Variants in ANP32A observed in about 807,000 individuals in gnomAD.
ANP32A encodes acidic leucine-rich nuclear phosphoprotein 32 family member A.
ANP32A carries 1 observed loss-of-function variant against 33.9 expected under a neutral mutation model. That is an observed-to-expected ratio of 0.03 (90% CI 0.01 to 0.14). The LOEUF is 0.14. Ranked by LOEUF, ANP32A falls within the 10% of genes least tolerant of loss-of-function variation. The pLI, the probability that ANP32A is intolerant of heterozygous loss-of-function variation, is 1.00. For synonymous variants in ANP32A, 115 were observed against 120.5 expected, an observed-to-expected ratio of 0.95 and a Z score of 0.30; for missense variants, 155 against 306.0, an observed-to-expected ratio of 0.51 and a Z score of 3.68.
At chr15:68,812,022 C>A (rs1432839877) in intron 1 of ANP32A, among the ~76,000 whole-genome samples, 1 of 109,556 alleles carries the variant, frequency 9.1e-6, no homozygotes, top group African/African-American at 3.5e-5. Flanking sequence ...AGCCACTGCG[C>A]CTGGCCCTAA....
At chr15:68,794,544 G>C (rs1894038531) in intron 1 of ANP32A, among the ~76,000 whole-genome samples, 1 of 152,126 alleles carries the variant, frequency 6.6e-6, no homozygotes, top group Non-Finnish European at 1.5e-5. Flanking sequence ...GTGTTTTTTG[G>C]TGCTCGTGGG....
intron 5 of ANP32A, chr15:68,782,692 C>T (rs536253890): frequency 4.7e-5 from 24 of 509,438 alleles, no homozygotes; most frequent in South Asian, 1.1e-4. Context: ...ATAGAAACAA[C>T]GGCCAGGCTT....
At chr15:68,784,222 C>T (rs1383832412) in intron 4 of ANP32A, 175 bp downstream of exon 4, 20 of 671,624 alleles carry the variant, frequency 3.0e-5, no homozygotes. Flanking sequence ...ACAAAGCAGA[C>T]AGCCCTACTC....
intron 1 of ANP32A, among the ~76,000 whole-genome samples, chr15:68,793,201 C>T (rs1326280838): frequency 6.6e-6 from 1 of 152,206 alleles, no homozygotes; most frequent in Admixed American, 6.5e-5. Context: ...AACTGCTTAA[C>T]AAATGTCCTG....
chr15:68,787,725 T>TGCCCCC, intron 2 of ANP32A, 45 bp downstream of exon 2: 2 of 1,597,692 alleles, frequency 1.3e-6, no homozygotes, highest in Non-Finnish European at 1.7e-6. Context: ...CCCTTCCCAC[T>TGCCCCC]CCCCACCCCC....
chr15:68,797,994 TTA>T (rs1276584067), intron 1 of ANP32A, among the ~76,000 whole-genome samples: 1 of 152,190 alleles, frequency 6.6e-6, no homozygotes, highest in African/African-American at 2.4e-5. Context: ...GGCTAACCCT[TTA>T]TTCACTTTCT....
Position 68,779,981 on chromosome 15 carries a change from AAAT to A in ANP32A, c.*97_*99del. The A allele has an allele frequency of 8.8e-7, 1 of 1,141,042 alleles. No homozygotes were observed. Among genetic ancestry groups the A allele is most frequent in the East Asian group, 2.5e-5 (1 of 40,162 alleles). The allele number at this position is 1,141,042 out of a possible 1,614,324, so 70.7% of individuals were successfully genotyped here. On this transcript the variant is annotated 3_prime_UTR_variant, in exon 7 of 7. Coordinates refer to ENST00000465139, the MANE Select transcript of ANP32A (RefSeq NM_006305.4). The stretch of plus-strand genomic sequence containing the variant: ...CCACAGCAACGTTACAATCAGAAAA[AAAT>A]AAGTTTCAGGGGGCAGGATTGGAGG...
intron 3 of ANP32A, among the ~76,000 whole-genome samples, 187 bp from the exon 4 acceptor site, chr15:68,784,782 G>A (rs1163033034): frequency 6.6e-6 from 1 of 152,138 alleles, no homozygotes; most frequent in Non-Finnish European, 1.5e-5. Flanking sequence ...TGCAGTTTGT[G>A]GGCCTCGGCG....
At chr15:68,788,199 C>A (rs534533477) in intron 1 of ANP32A, among the ~76,000 whole-genome samples, 1 of 152,094 alleles carries the variant, frequency 6.6e-6, no homozygotes, top group Non-Finnish European at 1.5e-5. Flanking sequence ...TTGGCTGTAC[C>A]GCAGAAGACA....
intron 1 of ANP32A, among the ~76,000 whole-genome samples, chr15:68,812,631 T>A (rs558923258): frequency 6.6e-6 from 1 of 152,348 alleles, no homozygotes; most frequent in Admixed American, 6.5e-5. Context: ...GTATTGAGTA[T>A]AAAGAAACCT....
chr15:68,789,464 A>G (rs1893973513), intron 1 of ANP32A: 1 of 152,300 alleles, frequency 6.6e-6, no homozygotes, highest in African/African-American at 2.4e-5. Flanking sequence ...TGAGCAGGCC[A>G]ACATGCCTAG....
intron 4 of ANP32A, among the ~76,000 whole-genome samples, chr15:68,784,092 G>T (rs888975354): frequency 6.6e-6 from 1 of 152,210 alleles, no homozygotes; most frequent in Non-Finnish European, 1.5e-5. Context: ...GATTCAGTTG[G>T]ATGGTTTTAA....
rs547959414 is a variant in ANP32A, at chr15:68,820,626, C to A, written c.54+72G>T. 489 of 1,028,252 alleles carry A rather than the reference C, an allele frequency of 4.8e-4. 14 individuals carry two copies. The East Asian group carries it at 0.021, about 44-fold the overall frequency. 63.7% of individuals were successfully genotyped at this position (1,028,252 alleles called of 1,614,324 possible). On this transcript the variant is annotated intron_variant, in intron 1 of 6. Coordinates refer to ENST00000465139, the MANE Select transcript of ANP32A (RefSeq NM_006305.4). ...CCCCCCCAAAAAAAGTGCCTCCCCC[C>A]AGCGCGCACACACACACACACACAC...
rs1470731546 is a variant in ANP32A, at chr15:68,778,690, ACTT to A, written c.*1388_*1390del. The A allele has an allele frequency of 6.6e-6, 1 of 152,152 alleles. No homozygotes were observed. Among genetic ancestry groups the A allele is most frequent in the African/African-American group, 2.4e-5 (1 of 41,442 alleles). 9.4% of individuals were successfully genotyped at this position (152,152 alleles called of 1,614,324 possible). On this transcript the variant is annotated 3_prime_UTR_variant, in exon 7 of 7. Coordinates refer to ENST00000465139, the MANE Select transcript of ANP32A (RefSeq NM_006305.4). ...TACTTGTTTTTTTAGTAACTCTGTA[ACTT>A]TTTTAAAGGAAGCTTTTAATGAAGA...
intron 1 of ANP32A, chr15:68,818,411 AC>A (rs1894419598): frequency 6.3e-6 from 1 of 158,212 alleles, no homozygotes; most frequent in African/African-American, 2.4e-5. Context: ...TTAAAAAAAT[AC>A]AGTTCCTCCT....
At chr15:68,792,636 C>T (rs1894012463) in intron 1 of ANP32A, among the ~76,000 whole-genome samples, 1 of 152,174 alleles carries the variant, frequency 6.6e-6, no homozygotes, top group Non-Finnish European at 1.5e-5. Context: ...CCTCTGTTCC[C>T]AACGTTGCAG....
At chr15:68,813,829 A>G (rs1284141589) in intron 1 of ANP32A, among the ~76,000 whole-genome samples, 2 of 151,326 alleles carry the variant, frequency 1.3e-5, no homozygotes, top group East Asian at 2.0e-4. Flanking sequence ...TAGCAAAGGC[A>G]TGAGATGTCT....
intron 1 of ANP32A, among the ~76,000 whole-genome samples, chr15:68,810,630 T>A (rs142687860): frequency 3.7e-4 from 57 of 152,288 alleles, no homozygotes; most frequent in Middle Eastern, 3.4e-3. Context: ...AGGATAAGAA[T>A]GCCCAGCGCC....
intron 1 of ANP32A, among the ~76,000 whole-genome samples, chr15:68,794,840 C>T (rs1894042327): frequency 6.6e-6 from 1 of 152,218 alleles, no homozygotes; most frequent in Non-Finnish European, 1.5e-5. Context: ...TGGCTTTCTA[C>T]ATTTTACACC....
Sources: gnomAD v4.1 joint callset for allele counts (sites outside exome capture counted in the v4.1 genomes callset) on GRCh38, gnomAD v4.1.1 for gene constraint, MANE v1.5 for transcripts, NCBI Gene and HGNC (gene_info 2026-07-23, HGNC 2026-07-21) for gene names.